The following PRR29 variants were observed in gnomAD, a reference collection of about 807,000 sequenced individuals.
PRR29 encodes proline rich 29.
In PRR29, 20 loss-of-function variants were observed where a neutral mutation model predicts 25.1. That is an observed-to-expected ratio of 0.80 (90% CI 0.56 to 1.16). PRR29 has a LOEUF of 1.16. Among genes scored for constraint, PRR29 ranks in the 50% most tolerant of loss-of-function variants. The pLI, the probability that PRR29 is intolerant of heterozygous loss-of-function variation, is 0.00. For synonymous variants in PRR29, 108 were observed against 102.6 expected, an observed-to-expected ratio of 1.05 and a Z score of -0.32; for missense variants, 238 against 246.6, an observed-to-expected ratio of 0.97 and a Z score of 0.23.
At position 64,002,891 on chromosome 17, in the gene PRR29, G is replaced by A; in HGVS notation, c.*1130G>A. The A allele has an allele frequency of 6.2e-7, 1 of 1,613,936 alleles. No homozygotes were observed. Among genetic ancestry groups the A allele is most frequent in the South Asian group, 1.1e-5 (1 of 91,068 alleles). The stretch of plus-strand genomic sequence containing the variant: ...GGGACAGCAACACCGACACCACCGT[G>A]ACTATGATGACCATCTGGCTGTCCG... On this transcript the variant is annotated 3_prime_UTR_variant, in exon 6 of 6. Transcript: ENST00000412177.
intron 3 of PRR29, chr17:63,999,303 G>A (rs1346818865): frequency 1.7e-6 from 1 of 584,188 alleles, no homozygotes; most frequent in African/African-American, 1.9e-5. Context: ...TTTTCAAGGA[G>A]GTTTCCCTGT....
Position 63,998,706 on chromosome 17 carries a change from G to C in PRR29, c.61-1G>C, listed in dbSNP as rs1221010686. On this transcript the variant is annotated splice_acceptor_variant, in intron 1 of 5. Transcript: ENST00000412177. LOFTEE classifies it high-confidence loss of function. ...CTGGCTGACTCCGCGCACACCCCCA[G>C]CCCTGGGTCACCTTCCTGCAGCCCC... 44 of 1,480,860 alleles carry C rather than the reference G, an allele frequency of 3.0e-5. No homozygotes were observed. Among genetic ancestry groups the C allele is most frequent in the Non-Finnish European group, 3.6e-5 (40 of 1,119,976 alleles). 91.7% of individuals were successfully genotyped at this position (1,480,860 alleles called of 1,614,324 possible).
Position 64,002,713 on chromosome 17 carries a change from A to G in PRR29, c.*952A>G. 1 of 1,589,070 alleles carries G rather than the reference A, an allele frequency of 6.3e-7. No individual in the cohort carries two copies. Among genetic ancestry groups the G allele is most frequent in the Non-Finnish European group, 8.6e-7 (1 of 1,165,180 alleles). On this transcript the variant is annotated 3_prime_UTR_variant, in exon 6 of 6. Coordinates refer to ENST00000412177, the MANE Select transcript of PRR29 (RefSeq NM_001164257.2). The stretch of plus-strand genomic sequence containing the variant: ...TGAGGAGTCACACTGAGTTCCAGTG[A>G]CCACCGTGGTGGTGGCCATGCCACT...
rs1157822602 is a variant in PRR29 at position 64,003,027 on chromosome 17, G to A, written c.*1266G>A. ...CCCCCAACCCAGACCCCCAGACCCC[G>A]CCGCCCGCTCATGCATCCAGCAGTC... is the stretch of plus-strand genomic sequence containing the variant. On this transcript the variant is annotated 3_prime_UTR_variant, in exon 6 of 6. Coordinates refer to ENST00000412177, the MANE Select transcript of PRR29 (RefSeq NM_001164257.2). 14 of 1,003,134 alleles carry A rather than the reference G, an allele frequency of 1.4e-5. No individual in the cohort carries two copies. The highest frequency in any genetic ancestry group is 1.0e-4 in the Admixed American group (4 of 39,400). The allele number at this position is 1,003,134 out of a possible 1,614,324, so 62.1% of individuals were successfully genotyped here. A position where few individuals can be genotyped will look rare whatever the true frequency, so the allele number is the denominator to read the frequency against.
rs1910833310 is a variant in PRR29 at position 64,002,386 on chromosome 17, G to A, written c.*625G>A. 3 of 400,772 alleles carry A rather than the reference G, an allele frequency of 7.5e-6. No homozygotes were observed. The highest frequency in any genetic ancestry group is 4.7e-5 in the East Asian group (1 of 21,070). The allele number at this position is 400,772 out of a possible 1,614,324, so 24.8% of individuals were successfully genotyped here. On this transcript the variant is annotated 3_prime_UTR_variant, in exon 6 of 6. Transcript: ENST00000412177. ...TCCTGGGGCCAGGTGGGAACAGTGT[G>A]TCCTCTGCCCCCTGGGCCAGGGTGT...
Position 64,003,672 on chromosome 17 carries a change from GTGTT to G in PRR29, c.*1915_*1918del. ...AGATCTCCAACATCTTCGGGGCTGAGTGTTTGTGAAAGATGTTGCCACCGCGAGA... is the reference window on the plus strand; with the variant it reads ...AGATCTCCAACATCTTCGGGGCTGAGTGTGAAAGATGTTGCCACCGCGAGA... On this transcript the variant is annotated 3_prime_UTR_variant, in exon 6 of 6. Coordinates refer to ENST00000412177, the MANE Select transcript of PRR29 (RefSeq NM_001164257.2). The G allele has an allele frequency of 1.9e-6, 3 of 1,614,088 alleles. No individual in the cohort carries two copies. The highest frequency in any genetic ancestry group is 1.3e-5 in the African/African-American group (1 of 75,058).
chr17:64,002,698 C>T lies in PRR29; in HGVS notation c.*937C>T. On this transcript the variant is annotated 3_prime_UTR_variant, in exon 6 of 6. Coordinates refer to ENST00000412177, the MANE Select transcript of PRR29 (RefSeq NM_001164257.2). ...GCTGGACCTCAACCCTGAGGAGTCA[C>T]ACTGAGTTCCAGTGACCACCGTGGT... 2.6e-6 allele frequency: 4 copies of T among 1,554,462 alleles called. No homozygotes were observed. Among genetic ancestry groups the T allele is most frequent in the Non-Finnish European group, 3.5e-6 (4 of 1,138,996 alleles).
In PRR29 at chr17:64,002,999, C is replaced by A; in HGVS notation, c.*1238C>A. The A allele has an allele frequency of 7.0e-7, 1 of 1,433,386 alleles. No individual in the cohort carries two copies. The highest frequency in any genetic ancestry group is 9.6e-7 in the Non-Finnish European group (1 of 1,046,084). The allele number at this position is 1,433,386 out of a possible 1,614,324, so 88.8% of individuals were successfully genotyped here. A position where few individuals can be genotyped will look rare whatever the true frequency, so the allele number is the denominator to read the frequency against. ...CCAGGGACCAAAAGGGAGTGGAAGT[C>A]CACCCCCAACCCAGACCCCCAGACC... On this transcript the variant is annotated 3_prime_UTR_variant, in exon 6 of 6. Coordinates refer to ENST00000412177, the MANE Select transcript of PRR29 (RefSeq NM_001164257.2).
Position 64,001,784 on chromosome 17 carries a change from C to T in PRR29, c.*23C>T, listed in dbSNP as rs1234966511. On this transcript the variant is annotated 3_prime_UTR_variant, in exon 6 of 6. Transcript: ENST00000412177. Reference sequence around the variant, plus strand: ...TGAGGACAGACCCCGGCCCTGGGAACTGCACCAGCTTCCTGCTCTGGATAC... The same window carrying T: ...TGAGGACAGACCCCGGCCCTGGGAATTGCACCAGCTTCCTGCTCTGGATAC... 2 of 1,537,148 alleles carry T rather than the reference C, an allele frequency of 1.3e-6. No individual in the cohort carries two copies. The highest frequency in any genetic ancestry group is 1.7e-6 in the Non-Finnish European group (2 of 1,146,882).
Position 64,002,253 on chromosome 17 carries a change from CAG to C in PRR29, c.*495_*496del. On this transcript the variant is annotated 3_prime_UTR_variant, in exon 6 of 6. Transcript: ENST00000412177. ...GACTTTGCTGGGCAGCGCCCCTGAG[CAG>C]AGTCAGTTCGCTGGGCCCCCCACCC... The C allele has an allele frequency of 1.8e-6, 1 of 543,316 alleles. No individual in the cohort carries two copies. Among genetic ancestry groups the C allele is most frequent in the South Asian group, 2.2e-5 (1 of 46,030 alleles). The allele number at this position is 543,316 out of a possible 1,614,324, so 33.7% of individuals were successfully genotyped here. A position where few individuals can be genotyped will look rare whatever the true frequency, so the allele number is the denominator to read the frequency against.
In PRR29 at chr17:64,003,619, A is replaced by T; in HGVS notation, c.*1858A>T. The T allele has an allele frequency of 6.3e-7, 1 of 1,597,084 alleles. No individual in the cohort carries two copies. The highest frequency in any genetic ancestry group is 8.5e-7 in the Non-Finnish European group (1 of 1,169,986). ...GGCTGAAAGTGACTTATCACTCCCAACTCCATCCACGGATCCCCCCTCACC... is the reference window on the plus strand; with the variant it reads ...GGCTGAAAGTGACTTATCACTCCCATCTCCATCCACGGATCCCCCCTCACC... On this transcript the variant is annotated 3_prime_UTR_variant, in exon 6 of 6. Coordinates refer to ENST00000412177, the MANE Select transcript of PRR29 (RefSeq NM_001164257.2).
In PRR29 at chr17:64,004,109, G is replaced by T. The variant is rs979510197; in HGVS notation, c.*2348G>T. 9 of 628,534 alleles carry T rather than the reference G, an allele frequency of 1.4e-5. No individual in the cohort carries two copies. In the Admixed American group the frequency reaches 2.6e-4, roughly 18 times the overall value. 38.9% of individuals were successfully genotyped at this position (628,534 alleles called of 1,614,324 possible). On this transcript the variant is annotated 3_prime_UTR_variant, in exon 6 of 6. Coordinates refer to ENST00000412177, the MANE Select transcript of PRR29 (RefSeq NM_001164257.2). ...GCCGGCTCCAGTGCAGAGAGGAAGAGGGCAGCAGTTGAGGATGGAGGCTGG... is the reference window on the plus strand; with the variant it reads ...GCCGGCTCCAGTGCAGAGAGGAAGATGGCAGCAGTTGAGGATGGAGGCTGG...
At position 64,002,506 on chromosome 17, in the gene PRR29, G is replaced by T; in HGVS notation, c.*745G>T. 1 of 541,114 alleles carries T rather than the reference G, an allele frequency of 1.8e-6. No homozygotes were observed. Among genetic ancestry groups the T allele is most frequent in the Admixed American group, 3.1e-5 (1 of 31,872 alleles). The allele number at this position is 541,114 out of a possible 1,614,324, so 33.5% of individuals were successfully genotyped here. ...AGGCCCCTGTGAAGGAGAGGGTGGG[G>T]AGGGAGGCATCTAGGGAGAGGGGTC... is the stretch of plus-strand genomic sequence containing the variant. On this transcript the variant is annotated 3_prime_UTR_variant, in exon 6 of 6. Coordinates refer to ENST00000412177, the MANE Select transcript of PRR29 (RefSeq NM_001164257.2).
intron 5 of PRR29, 73 bp downstream of exon 5, chr17:64,001,610 T>G: frequency 6.7e-7 from 1 of 1,493,198 alleles, no homozygotes; most frequent in Admixed American, 2.2e-5. Flanking sequence ...CCCTGTGCCC[T>G]CTGGTGGGGT....
At position 64,001,496 on chromosome 17, in the gene PRR29, G is replaced by C; in HGVS notation, c.500G>C (p.Ser167Thr). Residue 167 changes from serine to threonine, a missense_variant, in exon 5 of 6, where the codon AGT (serine) becomes ACT (threonine). Physicochemically the swap from Ser to Thr is moderately conservative, Grantham distance 58. Transcript: ENST00000412177. ...VRAVPPPPPP[S>T]ATGTVGADVP... is the part of the protein sequence containing the mutation. ...GCTGTGCCCCCACCCCCACCCCCCAGTGCCACAGGGACTGTGGGTGCTGAT... is the reference window on the plus strand; with the variant it reads ...GCTGTGCCCCCACCCCCACCCCCCACTGCCACAGGGACTGTGGGTGCTGAT... 1.3e-6 allele frequency: 2 copies of C among 1,500,428 alleles called. No individual in the cohort carries two copies. The highest frequency in any genetic ancestry group is 1.8e-6 in the Non-Finnish European group (2 of 1,130,766). 92.9% of individuals were successfully genotyped at this position (1,500,428 alleles called of 1,614,324 possible).
chr17:64,002,687 C>T lies in PRR29; in HGVS notation c.*926C>T. The stretch of plus-strand genomic sequence containing the variant: ...CTTCAGCCAGGGCTGGACCTCAACC[C>T]TGAGGAGTCACACTGAGTTCCAGTG... On this transcript the variant is annotated 3_prime_UTR_variant, in exon 6 of 6. Coordinates refer to ENST00000412177, the MANE Select transcript of PRR29 (RefSeq NM_001164257.2). The T allele has an allele frequency of 6.7e-7, 1 of 1,501,424 alleles. No individual in the cohort carries two copies. Among genetic ancestry groups the T allele is most frequent in the Non-Finnish European group, 9.1e-7 (1 of 1,095,634 alleles). The allele number at this position is 1,501,424 out of a possible 1,614,324, so 93.0% of individuals were successfully genotyped here. A position where few individuals can be genotyped will look rare whatever the true frequency, so the allele number is the denominator to read the frequency against.
chr17:63,998,832 C>A, intron 2 of PRR29, 50 bp downstream of exon 2: 1 of 1,032,100 alleles, frequency 9.7e-7, no homozygotes, highest in Non-Finnish European at 1.4e-6. Context: ...CCACCACTCA[C>A]CCTCTTCTGC....
At chr17:64,001,019 A>G in intron 3 of PRR29, 65 bp from the exon 4 acceptor site, 3 of 1,289,294 alleles carry the variant, frequency 2.3e-6, no homozygotes, top group South Asian at 1.3e-5. Flanking sequence ...GGAATGGAGG[A>G]GTGGCGGTGG....
Position 64,003,426 on chromosome 17 carries a change from C to T in PRR29, c.*1665C>T, listed in dbSNP as rs904191596. 2.9e-5 allele frequency: 17 copies of T among 577,182 alleles called. No homozygotes were observed. Among genetic ancestry groups the T allele is most frequent in the Admixed American group, 9.2e-5 (3 of 32,458 alleles). 35.8% of individuals were successfully genotyped at this position (577,182 alleles called of 1,614,324 possible). On this transcript the variant is annotated 3_prime_UTR_variant, in exon 6 of 6. Coordinates refer to ENST00000412177, the MANE Select transcript of PRR29 (RefSeq NM_001164257.2). ...CAAGGTCATGGGGCTTGATGGTGGCCGAGGAACTAGTTGACCTCTCCCGAC... is the reference window on the plus strand; with the variant it reads ...CAAGGTCATGGGGCTTGATGGTGGCTGAGGAACTAGTTGACCTCTCCCGAC...
Sources: allele counts gnomAD v4.1 joint callset, GRCh38; gene constraint gnomAD v4.1.1; transcripts MANE v1.5; gene names NCBI Gene and HGNC (gene_info 2026-07-23, HGNC 2026-07-21).